Variants in SDCCAG8 observed in about 807,000 individuals in gnomAD.
The protein encoded by SDCCAG8 is SHH signaling and ciliogenesis regulator SDCCAG8.
In SDCCAG8, 74 loss-of-function variants were observed where a neutral mutation model predicts 101.8. The ratio of observed to expected loss-of-function variants is 0.73; its 90% CI spans 0.60 to 0.88. The LOEUF (loss-of-function observed/expected upper bound fraction) is 0.88, where lower values mean the gene tolerates loss of function less well. Among genes scored for constraint, SDCCAG8 ranks in the 40% least tolerant of loss-of-function variants. The pLI, the probability that SDCCAG8 is intolerant of heterozygous loss-of-function variation, is 0.00. For missense variants in SDCCAG8, 787 were observed against 822.6 expected, an observed-to-expected ratio of 0.96 and a Z score of 0.53; for synonymous variants, 281 against 292.9, an observed-to-expected ratio of 0.96 and a Z score of 0.41.
chr1:243,404,396 G>A (rs916873355), intron 13 of SDCCAG8, among the ~76,000 whole-genome samples: 8 of 152,018 alleles, frequency 5.3e-5, no homozygotes, highest in African/African-American at 1.7e-4. Context: ...TTGAAGCAGA[G>A]GAAATAATTA....
chr1:243,258,346 A>G (rs1384463361), intron 1 of SDCCAG8, among the ~76,000 whole-genome samples: 1 of 152,182 alleles, frequency 6.6e-6, no homozygotes, highest in Non-Finnish European at 1.5e-5. Flanking sequence ...AACAGAATTA[A>G]CTCTGAACTT....
intron 3 of SDCCAG8, among the ~76,000 whole-genome samples, chr1:243,273,467 A>G (rs1364768344): frequency 1.3e-5 from 2 of 152,216 alleles, no homozygotes; most frequent in Non-Finnish European, 2.9e-5. Context: ...CAGAGCTAAA[A>G]TAGCATTAGC....
chr1:243,404,054 G>T (rs181043304), intron 13 of SDCCAG8, among the ~76,000 whole-genome samples: 1 of 152,314 alleles, frequency 6.6e-6, no homozygotes, highest in East Asian at 1.9e-4. Flanking sequence ...ACACACCAAA[G>T]CCTGTTCTCT....
At chr1:243,296,667 C>G (rs982810374) in intron 6 of SDCCAG8, among the ~76,000 whole-genome samples, 1 of 150,942 alleles carries the variant, frequency 6.6e-6, no homozygotes, top group Non-Finnish European at 1.5e-5. Flanking sequence ...CTCAGCCTCC[C>G]GAGTAGCTGG....
chr1:243,401,310 T>C (rs532997727), intron 13 of SDCCAG8, among the ~76,000 whole-genome samples: 1 of 152,352 alleles, frequency 6.6e-6, no homozygotes, highest in South Asian at 2.1e-4. Flanking sequence ...TGTTTGGGAA[T>C]AAGCGAAAAC....
intron 9 of SDCCAG8, among the ~76,000 whole-genome samples, chr1:243,325,143 C>A (rs963740440): frequency 1.3e-5 from 2 of 152,150 alleles, no homozygotes; most frequent in African/African-American, 2.4e-5. Flanking sequence ...CATTGTATTT[C>A]ACACATGACC....
chr1:243,456,288 A>G (rs1443620696), intron 16 of SDCCAG8, among the ~76,000 whole-genome samples: 5 of 152,112 alleles, frequency 3.3e-5, no homozygotes, highest in Non-Finnish European at 7.4e-5. Flanking sequence ...TGGTAGGGAA[A>G]TTCACTTATT....
At chr1:243,442,073 T>A (rs1379621824) in intron 16 of SDCCAG8, among the ~76,000 whole-genome samples, 2 of 152,168 alleles carry the variant, frequency 1.3e-5, no homozygotes, top group Non-Finnish European at 2.9e-5. Flanking sequence ...TACCTCAAAT[T>A]GGTAGCATTC....
intron 13 of SDCCAG8, among the ~76,000 whole-genome samples, chr1:243,410,574 G>A (rs2080102684): frequency 6.6e-6 from 1 of 152,124 alleles, no homozygotes; most frequent in Non-Finnish European, 1.5e-5. Context: ...AGGTGAGTAG[G>A]AACATGGAAG....
chr1:243,304,989 A>G (rs1348485739), intron 7 of SDCCAG8: 2 of 555,410 alleles, frequency 3.6e-6, no homozygotes, highest in South Asian at 4.4e-5. Context: ...CATCAGTTGT[A>G]AAATATTTGT....
intron 16 of SDCCAG8, among the ~76,000 whole-genome samples, chr1:243,439,459 A>G (rs1437124548): frequency 1.3e-5 from 2 of 152,128 alleles, no homozygotes; most frequent in African/African-American, 4.8e-5. Flanking sequence ...CCCTGTCTCT[A>G]CTAAAAATAC....
chr1:243,389,910 T>C (rs954808611), intron 13 of SDCCAG8, among the ~76,000 whole-genome samples: 1 of 152,146 alleles, frequency 6.6e-6, no homozygotes, highest in Non-Finnish European at 1.5e-5. Context: ...GCAGGTCTCT[T>C]TCATCTCTGT....
intron 12 of SDCCAG8, among the ~76,000 whole-genome samples, chr1:243,357,476 T>C (rs1430975258): frequency 1.3e-5 from 2 of 152,122 alleles, no homozygotes; most frequent in East Asian, 3.8e-4. Flanking sequence ...CTTCAGATAA[T>C]AAAGAGCAAT....
intron 6 of SDCCAG8, among the ~76,000 whole-genome samples, chr1:243,299,944 A>T (rs2071337229): frequency 6.6e-6 from 1 of 150,960 alleles, no homozygotes. Flanking sequence ...GACTCACTAC[A>T]ACCTCCGCCT....
intron 12 of SDCCAG8, among the ~76,000 whole-genome samples, chr1:243,347,917 G>A (rs1427826787): frequency 6.6e-6 from 1 of 151,846 alleles, no homozygotes; most frequent in African/African-American, 2.4e-5. Flanking sequence ...TCAGAAAGCA[G>A]GAAAGAAGTG....
intron 4 of SDCCAG8, among the ~76,000 whole-genome samples, chr1:243,283,147 C>G (rs796695172): frequency 1.3e-5 from 2 of 152,182 alleles, no homozygotes; most frequent in South Asian, 4.2e-4. Flanking sequence ...CGCACCCGGC[C>G]TGATTTTTGG....
chr1:243,307,942 G>A, intron 7 of SDCCAG8, 47 bp from the exon 8 acceptor site: 5 of 1,608,374 alleles, frequency 3.1e-6, no homozygotes, highest in Non-Finnish European at 4.2e-6. Context: ...TTAAAGTCAT[G>A]TAATTTTACC....
intron 8 of SDCCAG8, among the ~76,000 whole-genome samples, chr1:243,310,961 G>A (rs2072662511): frequency 6.6e-6 from 1 of 152,194 alleles, no homozygotes; most frequent in South Asian, 2.1e-4. Flanking sequence ...GAGGTCATGA[G>A]TACACAAGTA....
intron 13 of SDCCAG8, among the ~76,000 whole-genome samples, chr1:243,400,922 A>G (rs1031241648): frequency 4.6e-5 from 7 of 152,286 alleles, no homozygotes; most frequent in South Asian, 2.1e-4. Flanking sequence ...TGATATGGCA[A>G]TATTCCTCCC....
Sources: allele counts gnomAD v4.1 joint callset (sites outside exome capture counted in the v4.1 genomes callset), GRCh38; gene constraint gnomAD v4.1.1; transcripts MANE v1.5; gene names NCBI Gene and HGNC (gene_info 2026-07-23, HGNC 2026-07-21).